The following PRKG2 variants were observed in gnomAD, a reference collection of about 807,000 sequenced individuals.
The protein encoded by PRKG2 is cGMP-dependent protein kinase 2.
PRKG2 carries 33 observed loss-of-function variants against 97.2 expected under a neutral mutation model. The observed-to-expected ratio is 0.34, with a 90% CI of 0.26 to 0.45. PRKG2 has a LOEUF of 0.45. Ranked by LOEUF, PRKG2 falls within the 20% of genes least tolerant of loss-of-function variation. PRKG2 has a pLI of 1.00. For missense variants in PRKG2, 638 were observed against 900.0 expected (o/e 0.71, Z 3.73); for synonymous variants, 330 against 321.8 (o/e 1.03, Z -0.27).
intron 2 of PRKG2, 152 bp from the exon 3 acceptor site, chr4:81,175,111 C>T (rs1560603705): frequency 1.5e-6 from 1 of 660,810 alleles, no homozygotes; most frequent in African/African-American, 1.9e-5. Context: ...AAACATTTCA[C>T]CCTTATAACT....
intron 2 of PRKG2, chr4:81,193,022 A>T (rs981186805): frequency 6.5e-6 from 1 of 153,042 alleles, no homozygotes; most frequent in African/African-American, 2.4e-5. Flanking sequence ...CCGTGTTCTC[A>T]CTGTTGTTTT....
intron 14 of PRKG2, among the ~76,000 whole-genome samples, chr4:81,111,742 T>C (rs765106029): frequency 6.6e-6 from 1 of 152,192 alleles, no homozygotes; most frequent in Non-Finnish European, 1.5e-5. Context: ...GGGCCCCTCA[T>C]TGAATCGAAG....
At chr4:81,185,221 C>G (rs962564814) in intron 2 of PRKG2, among the ~76,000 whole-genome samples, 2 of 152,022 alleles carry the variant, frequency 1.3e-5, no homozygotes, top group African/African-American at 4.8e-5. Context: ...TAAGGGCAGC[C>G]AGAGAGAAAG....
In PRKG2 at chr4:81,153,662, G is replaced by T. The variant is rs1325712223; in HGVS notation, c.972C>A (p.Phe324Leu). ...TAGTTACCTTTCCTTTTGCCAAAAT[G>T]AAAAAGGTACTTCCTTCCTCGCCCT... The part of the protein sequence containing the change: ...IREGEEGSTF[F>L]ILAKGKVKVT... The change falls in exon 7 of 19, where the codon TTC (phenylalanine) becomes TTA (leucine). Residue 324 changes from phenylalanine to leucine, a missense_variant. Physicochemically the swap from Phe to Leu is conservative, Grantham distance 22. Transcript: ENST00000264399. The T allele has an allele frequency of 1.3e-6, 2 of 1,598,638 alleles. No individual in the cohort carries two copies. The highest frequency in any genetic ancestry group is 3.3e-5 in the Admixed American group (2 of 59,952).
intron 14 of PRKG2, among the ~76,000 whole-genome samples, chr4:81,121,440 C>A (rs1201492149): frequency 6.6e-6 from 1 of 152,046 alleles, no homozygotes; most frequent in Non-Finnish European, 1.5e-5. Flanking sequence ...GTTCTTTGTG[C>A]TCTAGAAGGT....
chr4:81,133,394 A>C (rs529539329), intron 14 of PRKG2, among the ~76,000 whole-genome samples: 1 of 152,086 alleles, frequency 6.6e-6, no homozygotes, highest in East Asian at 1.9e-4. Flanking sequence ...CATAAGTCCA[A>C]CGCTTGGTCT....
At position 81,088,541 on chromosome 4, in the gene PRKG2, T is replaced by C. The variant is rs1425707378; in HGVS notation, c.*1167A>G. The C allele has an allele frequency of 6.6e-6, 1 of 152,086 alleles. No individual in the cohort carries two copies. The highest frequency in any genetic ancestry group is 1.5e-5 in the Non-Finnish European group (1 of 67,974). 9.4% of individuals were successfully genotyped at this position (152,086 alleles called of 1,614,324 possible). ...CATGCTATTGAAACTATCCTACTTA[T>C]TATTTGGGAGAGTGCAAGGAAGGGA... On this transcript the variant is annotated 3_prime_UTR_variant, in exon 19 of 19. Coordinates refer to ENST00000264399, the MANE Select transcript of PRKG2 (RefSeq NM_006259.3).
intron 18 of PRKG2, among the ~76,000 whole-genome samples, chr4:81,090,357 CAA>C (rs146970060): frequency 7.2e-6 from 1 of 139,234 alleles, no homozygotes. Context: ...GACTTTCTCT[CAA>C]AAAAAAAAAA....
At chr4:81,153,819 A>C (rs554087337) in intron 6 of PRKG2, 98 bp from the exon 7 acceptor site, 371 of 808,268 alleles carry the variant, frequency 4.6e-4, no homozygotes, top group Non-Finnish European at 6.9e-4. Context: ...TGAGCGGCGC[A>C]GAAGACGGGT....
At chr4:81,099,709 C>T (rs1251562074) in intron 17 of PRKG2, among the ~76,000 whole-genome samples, 1 of 151,990 alleles carries the variant, frequency 6.6e-6, no homozygotes, top group Non-Finnish European at 1.5e-5. Flanking sequence ...GAAGTTCTGG[C>T]CAGGGCAATC....
At chr4:81,135,823 C>T (rs1362034039) in intron 13 of PRKG2, among the ~76,000 whole-genome samples, 1 of 151,856 alleles carries the variant, frequency 6.6e-6, no homozygotes, top group Non-Finnish European at 1.5e-5. Context: ...TGTAGTTTTA[C>T]AGACTGGATT....
rs958562795 is a variant in PRKG2, at chr4:81,159,824, T to C, written c.913-6103A>G. Reference sequence around the variant, plus strand: ...GTCCTTTGTAGGGACATGGATGAAATTGGAAATCATCATTCTCAGTAAACT... The same window carrying C: ...GTCCTTTGTAGGGACATGGATGAAACTGGAAATCATCATTCTCAGTAAACT... On this transcript the variant is annotated intron_variant, in intron 6 of 18. Transcript: ENST00000264399. Among the ~76,000 whole-genome samples the C allele has an allele frequency of 2.2e-3, 330 of 151,470 alleles. 3 individuals are homozygous for C. Among genetic ancestry groups the C allele is most frequent in the African/African-American group, 7.7e-3 (318 of 41,282 alleles).
rs570005914 is a variant in PRKG2, at chr4:81,120,467, C to A, written c.1777-9856G>T. ...AATACTCTCCATTTTAGTTTTTTTT[C>A]ATTTCTTTCATCAAAATTTTGTAGT... On this transcript the variant is annotated intron_variant, in intron 14 of 18. Transcript: ENST00000264399. 2.0e-5 allele frequency among the ~76,000 whole-genome samples: 3 copies of A among 151,904 alleles called. No individual in the cohort carries two copies. In the East Asian group the frequency reaches 5.8e-4, roughly 29 times the overall value.
rs922602999 is a variant in PRKG2 at position 81,089,253 on chromosome 4, A to C, written c.*455T>G. 6.6e-6 allele frequency: 1 copy of C among 152,478 alleles called. No homozygotes were observed. The allele number at this position is 152,478 out of a possible 1,614,324, so 9.4% of individuals were successfully genotyped here. ...CAAACCACCATTTTAAGATACCACC[A>C]TGCTTATATGAAGTTGCTGAGAGCT... On this transcript the variant is annotated 3_prime_UTR_variant, in exon 19 of 19. Coordinates refer to ENST00000264399, the MANE Select transcript of PRKG2 (RefSeq NM_006259.3).
At chr4:81,186,287 G>T (rs1751873683) in intron 2 of PRKG2, among the ~76,000 whole-genome samples, 1 of 152,174 alleles carries the variant, frequency 6.6e-6, no homozygotes, top group African/African-American at 2.4e-5. Context: ...AGACCACAGT[G>T]CAATGAAATT....
intron 14 of PRKG2, among the ~76,000 whole-genome samples, chr4:81,118,125 TTAA>T (rs1485967677): frequency 6.6e-6 from 1 of 152,250 alleles, no homozygotes; most frequent in Non-Finnish European, 1.5e-5. Context: ...CTTTTTTCAC[TTAA>T]TAATATGCAT....
chr4:81,196,713 A>G (rs1752980202), intron 2 of PRKG2, among the ~76,000 whole-genome samples: 2 of 151,584 alleles, frequency 1.3e-5, no homozygotes, highest in Admixed American at 1.3e-4. Flanking sequence ...ATTATAAAAT[A>G]TATATAAAAT....
chr4:81,180,265 T>C (rs1270906402), intron 2 of PRKG2, among the ~76,000 whole-genome samples: 1 of 152,090 alleles, frequency 6.6e-6, no homozygotes, highest in Non-Finnish European at 1.5e-5. Flanking sequence ...ATATTAGATA[T>C]TAGATTTAAG....
chr4:81,148,586 G>A (rs17005064), intron 9 of PRKG2, among the ~76,000 whole-genome samples: 12,849 of 152,108 alleles, frequency 0.084, 1,854 homozygotes, highest in African/African-American at 0.29. Flanking sequence ...ATCCATAAGC[G>A]AACGAATCAA....
Sources: allele counts gnomAD v4.1 joint callset (sites outside exome capture counted in the v4.1 genomes callset), GRCh38; gene constraint gnomAD v4.1.1; transcripts MANE v1.5; gene names NCBI Gene and HGNC (gene_info 2026-07-23, HGNC 2026-07-21).